The following DCT variants were observed in gnomAD, a reference collection of about 807,000 sequenced individuals.
DCT encodes the protein L-dopachrome tautomerase.
In DCT, 47 loss-of-function variants were observed where a neutral mutation model predicts 53.0. That is an observed-to-expected ratio of 0.89 (90% confidence interval 0.70 to 1.13). The LOEUF (loss-of-function observed/expected upper bound fraction) is 1.13. DCT is among the 50% of genes most tolerant of loss of function. The pLI, the probability that DCT is intolerant of heterozygous loss-of-function variation, is 0.00. For synonymous variants in DCT, 244 were observed against 237.0 expected (o/e 1.03, Z -0.27); for missense variants, 669 against 637.4 (o/e 1.05, Z -0.53).
the DCT span, among the ~76,000 whole-genome samples, chr13:94,528,094 G>A: frequency 6.6e-6 from 1 of 152,172 alleles, no homozygotes; most frequent in Non-Finnish European, 1.5e-5. Context: ...AGAGAAAAAA[G>A]AGTGAAAAGC....
At chr13:94,493,910 G>A in the DCT span, among the ~76,000 whole-genome samples, 7,930 of 152,294 alleles carry the variant, frequency 0.052, 308 homozygotes, top group Non-Finnish European at 0.08. Context: ...GTTAATGATT[G>A]TATCAACAGT....
intron 1 of DCT, among the ~76,000 whole-genome samples, chr13:94,470,468 G>A (rs368370908): frequency 3.9e-5 from 6 of 152,140 alleles, no homozygotes; most frequent in African/African-American, 1.4e-4. Flanking sequence ...TTGCCTTTGG[G>A]TATGACCAAC....
upstream of DCT, among the ~76,000 whole-genome samples, chr13:94,482,037 A>T (rs1003265458): frequency 2.0e-5 from 3 of 152,236 alleles, no homozygotes; most frequent in African/African-American, 7.2e-5. Flanking sequence ...TTGAGAGTCA[A>T]CACTGGGAAA....
the DCT span, among the ~76,000 whole-genome samples, chr13:94,542,043 C>T: frequency 6.6e-6 from 1 of 152,186 alleles, no homozygotes; most frequent in African/African-American, 2.4e-5. Flanking sequence ...TATCAAATTT[C>T]CCTCCAGGTA....
chr13:94,452,563 A>G (rs1566815356), intron 6 of DCT: 2 of 743,032 alleles, frequency 2.7e-6, no homozygotes, highest in African/African-American at 1.7e-5. Flanking sequence ...TTTCAAATGC[A>G]TTTTTTTACC....
intron 1 of DCT, among the ~76,000 whole-genome samples, chr13:94,475,639 A>C (rs1002991174): frequency 1.3e-5 from 2 of 152,222 alleles, no homozygotes; most frequent in African/African-American, 4.8e-5. Context: ...GGCACTTAAA[A>C]ATGTGTTAAG....
At chr13:94,524,849 G>A in the DCT span, among the ~76,000 whole-genome samples, 1 of 152,124 alleles carries the variant, frequency 6.6e-6, no homozygotes, top group Non-Finnish European at 1.5e-5. Context: ...GAGGTCACAA[G>A]GGCGGGCCCT....
the DCT span, among the ~76,000 whole-genome samples, chr13:94,544,518 TC>T: frequency 6.6e-6 from 1 of 152,206 alleles, no homozygotes; most frequent in Non-Finnish European, 1.5e-5. Flanking sequence ...GAAGAGCTGT[TC>T]CCTTGCTCAG....
intron 1 of DCT, among the ~76,000 whole-genome samples, chr13:94,474,393 T>A (rs926050382): frequency 5.9e-5 from 9 of 152,226 alleles, no homozygotes; most frequent in African/African-American, 2.2e-4. Context: ...AATAGCCTAT[T>A]CCTTTTAATT....
At chr13:94,451,322 T>C (rs1883073478) in intron 6 of DCT, among the ~76,000 whole-genome samples, 1 of 152,216 alleles carries the variant, frequency 6.6e-6, no homozygotes, top group South Asian at 2.1e-4. Flanking sequence ...CCTTCACCAA[T>C]TAGTGTTAAT....
the DCT span, among the ~76,000 whole-genome samples, chr13:94,517,207 T>C: frequency 6.6e-6 from 1 of 152,222 alleles, no homozygotes; most frequent in African/African-American, 2.4e-5. Flanking sequence ...CATCGTTTCA[T>C]TTCTGTCTCC....
chr13:94,472,347 T>G (rs1256963215), intron 1 of DCT, among the ~76,000 whole-genome samples: 8 of 151,602 alleles, frequency 5.3e-5, no homozygotes. Context: ...CTCTGTACTT[T>G]TGACTCAGTT....
At chr13:94,482,300 C>T (rs1459673904), upstream of DCT, among the ~76,000 whole-genome samples, 1 of 152,168 alleles carries the variant, frequency 6.6e-6, no homozygotes, top group Non-Finnish European at 1.5e-5. Flanking sequence ...CCCTCGCCTG[C>T]CTCTCAATCT....
chr13:94,515,207 A>G, the DCT span, among the ~76,000 whole-genome samples: 1 of 152,230 alleles, frequency 6.6e-6, no homozygotes, highest in South Asian at 2.1e-4. Flanking sequence ...TGTTGTTTAT[A>G]AGCCTCCTAG....
chr13:94,500,629 T>C, the DCT span, among the ~76,000 whole-genome samples: 1 of 152,204 alleles, frequency 6.6e-6, no homozygotes, highest in Non-Finnish European at 1.5e-5. Flanking sequence ...TTATCTCACT[T>C]AGCATAATGT....
the DCT span, among the ~76,000 whole-genome samples, chr13:94,513,999 A>AAAAAAAAAAAAAAT: frequency 6.6e-6 from 1 of 151,238 alleles, no homozygotes; most frequent in Non-Finnish European, 1.5e-5. Flanking sequence ...AAAAAAAAAA[A>AAAAAAAAAAAAAAT]AAAAAAAAAA....
At chr13:94,486,455 T>G in the DCT span, among the ~76,000 whole-genome samples, 1 of 152,200 alleles carries the variant, frequency 6.6e-6, no homozygotes, top group Non-Finnish European at 1.5e-5. Flanking sequence ...AGAATAAGGG[T>G]TGGGCTCCTC....
chr13:94,470,509 T>C, intron 1 of DCT, among the ~76,000 whole-genome samples: 1 of 152,188 alleles, frequency 6.6e-6, no homozygotes, highest in East Asian at 1.9e-4. Context: ...GGGTAAAATT[T>C]AAATATCATT....
chr13:94,529,095 C>T, the DCT span, among the ~76,000 whole-genome samples: 54 of 152,292 alleles, frequency 3.5e-4, no homozygotes, highest in African/African-American at 1.1e-3. Context: ...GCTAACTATC[C>T]TAAACATATA....
Sources: allele counts gnomAD v4.1 joint callset (sites outside exome capture counted in the v4.1 genomes callset), GRCh38; gene constraint gnomAD v4.1.1; transcripts MANE v1.5; gene names NCBI Gene and HGNC (gene_info 2026-07-23, HGNC 2026-07-21).